The following SAMD3 variants were observed in gnomAD, a reference collection of about 807,000 sequenced individuals.
SAMD3 encodes the protein sterile alpha motif domain containing 3.
In SAMD3, 63 loss-of-function variants were observed where a neutral mutation model predicts 58.5. The ratio of observed to expected loss-of-function variants is 1.08; its 90% CI spans 0.88 to 1.33. The LOEUF (loss-of-function observed/expected upper bound fraction) is 1.33. Ranked by LOEUF, SAMD3 falls within the 40% of genes most tolerant of loss-of-function variation. The pLI, the probability that SAMD3 is intolerant of heterozygous loss-of-function variation, is 0.00. For missense variants in SAMD3, 604 were observed against 608.4 expected (o/e 0.99, Z 0.08); for synonymous variants, 220 against 210.3 (o/e 1.05, Z -0.40).
At chr6:130,278,003 A>G (rs4106120) in intron 2 of SAMD3, among the ~76,000 whole-genome samples, 47,276 of 152,024 alleles carry the variant, frequency 0.31, 7,727 homozygotes, top group East Asian at 0.47. Flanking sequence ...TAGAAATTAT[A>G]GTTTAGGGGC....
At chr6:130,307,719 T>C (rs1177295457) in intron 2 of SAMD3, among the ~76,000 whole-genome samples, 3 of 152,240 alleles carry the variant, frequency 2.0e-5, no homozygotes, top group Non-Finnish European at 4.4e-5. Flanking sequence ...CAAGTTAGAA[T>C]AAGCTTTTAA....
intron 2 of SAMD3, among the ~76,000 whole-genome samples, chr6:130,252,349 T>G (rs1278238389): frequency 2.6e-5 from 4 of 151,782 alleles, no homozygotes; most frequent in Non-Finnish European, 5.9e-5. Context: ...TTTTCTCTAT[T>G]TTAACAGTCT....
chr6:130,194,193 C>T (rs12111566), intron 5 of SAMD3, among the ~76,000 whole-genome samples: 20,287 of 152,158 alleles, frequency 0.13, 1,491 homozygotes, highest in African/African-American at 0.2. Context: ...AAGGTATAGT[C>T]AAGGTTAATG....
At chr6:130,244,772 TAAA>T (rs1276605265) in intron 2 of SAMD3, among the ~76,000 whole-genome samples, 1 of 150,354 alleles carries the variant, frequency 6.7e-6, no homozygotes, top group African/African-American at 2.5e-5. Flanking sequence ...AAAATAAAAA[TAAA>T]AATAAAAATA....
At chr6:130,194,811 G>A (rs578219121) in intron 5 of SAMD3, among the ~76,000 whole-genome samples, 2 of 152,312 alleles carry the variant, frequency 1.3e-5, no homozygotes, top group South Asian at 2.1e-4. Flanking sequence ...CTTAGCAGCT[G>A]AAGACTGACA....
chr6:130,186,605 G>T (rs998548465), intron 5 of SAMD3, among the ~76,000 whole-genome samples: 1 of 151,946 alleles, frequency 6.6e-6, no homozygotes, highest in Non-Finnish European at 1.5e-5. Flanking sequence ...TTTATTAGGG[G>T]TCTACTAAAT....
intron 2 of SAMD3, among the ~76,000 whole-genome samples, chr6:130,271,363 G>A (rs1019104347): frequency 6.6e-6 from 1 of 152,064 alleles, no homozygotes; most frequent in African/African-American, 2.4e-5. Context: ...GTACTATCAA[G>A]CTATTTGATG....
chr6:130,156,328 AAAAAG>A (rs1206495843), intron 8 of SAMD3, among the ~76,000 whole-genome samples: 1 of 152,160 alleles, frequency 6.6e-6, no homozygotes, highest in Admixed American at 6.5e-5. Flanking sequence ...TGTCTCAAAA[AAAAAG>A]AAAAGAAAAA....
intron 2 of SAMD3, among the ~76,000 whole-genome samples, chr6:130,304,529 C>G (rs1477563076): frequency 6.6e-6 from 1 of 152,154 alleles, no homozygotes; most frequent in African/African-American, 2.4e-5. Context: ...TGAACACATT[C>G]TCTATGTCTA....
chr6:130,194,965 G>A (rs1425554016), intron 5 of SAMD3, among the ~76,000 whole-genome samples: 1 of 152,178 alleles, frequency 6.6e-6, no homozygotes, highest in Admixed American at 6.5e-5. Flanking sequence ...TGTTTCCCTT[G>A]CCTCCATAAC....
chr6:130,331,957 G>T (rs2115013541), intron 1 of SAMD3, among the ~76,000 whole-genome samples: 1 of 152,302 alleles, frequency 6.6e-6, no homozygotes, highest in South Asian at 2.1e-4. Context: ...AGGCAGGCAT[G>T]CTCTGATTTC....
At chr6:130,352,385 C>T (rs1032250845) in intron 1 of SAMD3, among the ~76,000 whole-genome samples, 1 of 152,118 alleles carries the variant, frequency 6.6e-6, no homozygotes, top group South Asian at 2.1e-4. Flanking sequence ...GTATGCCTCA[C>T]AACTTAAGGA....
chr6:130,349,806 G>A (rs1421092256), intron 1 of SAMD3, among the ~76,000 whole-genome samples: 2 of 152,078 alleles, frequency 1.3e-5, no homozygotes, highest in Non-Finnish European at 2.9e-5. Context: ...GATGAACATC[G>A]ATGCAAAAAT....
At chr6:130,281,362 G>A (rs928008254) in intron 2 of SAMD3, among the ~76,000 whole-genome samples, 1 of 152,056 alleles carries the variant, frequency 6.6e-6, no homozygotes, top group Non-Finnish European at 1.5e-5. Context: ...TACATTTCAG[G>A]GCCATCAGAT....
chr6:130,181,982 G>A (rs943148339), intron 7 of SAMD3, among the ~76,000 whole-genome samples: 6 of 151,248 alleles, frequency 4.0e-5, no homozygotes, highest in Admixed American at 2.0e-4. Context: ...GGAGAATGGC[G>A]TGAACCCATG....
At chr6:130,349,775 G>GA (rs544431324) in intron 1 of SAMD3, among the ~76,000 whole-genome samples, 151 of 152,224 alleles carry the variant, frequency 9.9e-4, no homozygotes, top group Non-Finnish European at 1.7e-3. Flanking sequence ...AAAAAAAAGA[G>GA]AATTTTAGAC....
At chr6:130,347,201 C>T (rs1167104339) in intron 1 of SAMD3, among the ~76,000 whole-genome samples, 1 of 152,152 alleles carries the variant, frequency 6.6e-6, no homozygotes, top group Non-Finnish European at 1.5e-5. Context: ...ATGCTCCTCA[C>T]CAGCAACAGA....
At chr6:130,271,704 A>T (rs1774568940) in intron 2 of SAMD3, among the ~76,000 whole-genome samples, 1 of 152,226 alleles carries the variant, frequency 6.6e-6, no homozygotes, top group African/African-American at 2.4e-5. Context: ...GCTAATAAAG[A>T]CATATCGAGA....
chr6:130,226,841 T>C (rs1796394421), upstream of SAMD3, among the ~76,000 whole-genome samples: 1 of 152,130 alleles, frequency 6.6e-6, no homozygotes, highest in Non-Finnish European at 1.5e-5. Flanking sequence ...AAAAAAAAAT[T>C]ATTTACATCA....
Sources: gnomAD v4.1 joint callset for allele counts (sites outside exome capture counted in the v4.1 genomes callset) on GRCh38, gnomAD v4.1.1 for gene constraint, MANE v1.5 for transcripts, NCBI Gene and HGNC (gene_info 2026-07-23, HGNC 2026-07-21) for gene names.